The following RANBP1 variants were observed in gnomAD, a reference collection of about 807,000 sequenced individuals.
The protein encoded by RANBP1 is ran-specific GTPase-activating protein.
A neutral mutation model predicts 31.4 loss-of-function variants in RANBP1; 16 were observed. The ratio of observed to expected loss-of-function variants is 0.51; its 90% CI spans 0.34 to 0.77. RANBP1 has a LOEUF of 0.77. Ranked by LOEUF, RANBP1 falls within the 30% of genes least tolerant of loss-of-function variation. RANBP1 has a pLI of 0.01. For synonymous variants in RANBP1, 129 were observed against 140.5 expected, an observed-to-expected ratio of 0.92 and a Z score of 0.58; for missense variants, 265 against 362.0, an observed-to-expected ratio of 0.73 and a Z score of 2.17.
rs777760389 is a variant in RANBP1 at position 20,127,091 on chromosome 22, C to G, written c.*39C>G. 1.3e-6 allele frequency: 2 copies of G among 1,528,352 alleles called. No individual in the cohort carries two copies. Among genetic ancestry groups the G allele is most frequent in the South Asian group, 2.5e-5 (2 of 79,962 alleles). The allele number at this position is 1,528,352 out of a possible 1,614,324, so 94.7% of individuals were successfully genotyped here. A position where few individuals can be genotyped will look rare whatever the true frequency, so the allele number is the denominator to read the frequency against. ...ATTTTCTTTTCCTCTCTTTCCTTTC[C>G]TTTTTTTAAAAAATTTTACCCTGCC... On this transcript the variant is annotated 3_prime_UTR_variant, in exon 6 of 6. Coordinates refer to ENST00000430524, the MANE Select transcript of RANBP1 (RefSeq NM_001278639.2).
chr22:20,117,127 G>A, intron 1 of RANBP1: 1 of 597,114 alleles, frequency 1.7e-6, no homozygotes, highest in East Asian at 3.3e-5. Context: ...TCTCAGGCTT[G>A]GGGCTGTACC....
chr22:20,116,915 C>A (rs897365180), intron 1 of RANBP1: 8 of 1,595,036 alleles, frequency 5.0e-6, no homozygotes, highest in Admixed American at 1.7e-5. Context: ...ATCGCCCAGG[C>A]GGTTCTCCGC....
chr22:20,117,278 C>T, intron 1 of RANBP1: 2 of 707,386 alleles, frequency 2.8e-6, no homozygotes, highest in Non-Finnish European at 4.0e-6. Context: ...AACCCCCAAC[C>T]ACTTTAGCCA....
At position 20,126,961 on chromosome 22, in the gene RANBP1, G is replaced by A. The variant is rs2050314041; in HGVS notation, c.746G>A (p.Gly249Asp). The A allele has an allele frequency of 6.2e-7, 1 of 1,613,100 alleles. No homozygotes were observed. The change falls in exon 6 of 6, where the codon GGC (glycine) becomes GAC (aspartate). Residue 249 changes from glycine to aspartate, a missense_variant. This residue lies in a region of RANBP1 where 49 missense variants were observed against 47.9 expected (regional missense o/e 1.02). Coordinates refer to ENST00000430524, the MANE Select transcript of RANBP1 (RefSeq NM_001278639.2). ...IEEREKKAGSGKNDHAEKVAE... is the reference protein window; with the variant it reads ...IEEREKKAGSDKNDHAEKVAE... ...CTGCTTGTGTTTTTAGCAGGATCAG[G>A]CAAAAATGATCATGCCGAAAAAGTG...
At chr22:20,116,643 A>T in intron 1 of RANBP1, 1 of 1,517,338 alleles carries the variant, frequency 6.6e-7, no homozygotes, top group Non-Finnish European at 8.8e-7. Flanking sequence ...TGCTAGGGTG[A>T]GGACTAGGCC....
At chr22:20,117,879 C>G (rs767423266) in intron 1 of RANBP1, 10 of 1,020,080 alleles carry the variant, frequency 9.8e-6, no homozygotes, top group Non-Finnish European at 1.2e-5. Flanking sequence ...TCTGCAGAGG[C>G]CTGGGGGCTG....
In RANBP1 at chr22:20,121,352, GGAT is replaced by G. The variant is rs544121107; in HGVS notation, c.384-911_384-909del. On this transcript the variant is annotated intron_variant, in intron 2 of 5. Coordinates refer to ENST00000430524, the MANE Select transcript of RANBP1 (RefSeq NM_001278639.2). ...GCAACCTCTGCCTCCCGGCTTCAAG[GGAT>G]TCTCCTGCCTCAGCCTCCCGAGTAG... 3.3e-5 allele frequency among the ~76,000 whole-genome samples: 5 copies of G among 152,064 alleles called. No individual in the cohort carries two copies. The South Asian group carries it at 1.0e-3, about 32-fold the overall frequency.
chr22:20,126,962 C>T lies in RANBP1; in HGVS notation c.747C>T (p.Gly249=). The change falls in exon 6 of 6, where the codon GGC becomes GGT. Residue 249 remains glycine, a synonymous_variant. Transcript: ENST00000430524. ...IEEREKKAGS[G]KNDHAEKVAE... ...TGCTTGTGTTTTTAGCAGGATCAGGCAAAAATGATCATGCCGAAAAAGTGG... is the reference window on the plus strand; with the variant it reads ...TGCTTGTGTTTTTAGCAGGATCAGGTAAAAATGATCATGCCGAAAAAGTGG... The T allele has an allele frequency of 6.2e-7, 1 of 1,613,114 alleles. No homozygotes were observed.
Position 20,127,111 on chromosome 22 carries a change from C to T in RANBP1, c.*59C>T, listed in dbSNP as rs185846819. The stretch of plus-strand genomic sequence containing the variant: ...CTTTCCTTTTTTTAAAAAATTTTAC[C>T]CTGCCCCTCTTTTTCGGTTTGTTTT... On this transcript the variant is annotated 3_prime_UTR_variant, in exon 6 of 6. Transcript: ENST00000430524. 2.8e-6 allele frequency: 4 copies of T among 1,420,218 alleles called. No individual in the cohort carries two copies. In the African/African-American group the frequency reaches 5.8e-5, roughly 21 times the overall value. The allele number at this position is 1,420,218 out of a possible 1,614,324, so 88.0% of individuals were successfully genotyped here.
At chr22:20,120,376 G>C (rs1012375394) in intron 2 of RANBP1, among the ~76,000 whole-genome samples, 1 of 152,214 alleles carries the variant, frequency 6.6e-6, no homozygotes, top group East Asian at 1.9e-4. Context: ...GCTTGCCTCT[G>C]TTCCCTCACT....
chr22:20,125,653 C>G, intron 4 of RANBP1: 1 of 1,441,062 alleles, frequency 6.9e-7, no homozygotes, highest in Non-Finnish European at 9.1e-7. Flanking sequence ...TGCCAAGTAG[C>G]TGGTGAACAG....
intron 2 of RANBP1, among the ~76,000 whole-genome samples, chr22:20,120,131 T>A (rs2050142927): frequency 6.6e-6 from 1 of 152,206 alleles, no homozygotes; most frequent in Non-Finnish European, 1.5e-5. Flanking sequence ...GAGTCCAGGT[T>A]AAGGTTTTGT....
chr22:20,117,002 G>C, intron 1 of RANBP1: 5 of 1,500,666 alleles, frequency 3.3e-6, no homozygotes, highest in Non-Finnish European at 4.5e-6. Context: ...CTGTCACAAG[G>C]GAAGTGCTCA....
chr22:20,123,358 G>A (rs2050225877), intron 3 of RANBP1, among the ~76,000 whole-genome samples: 1 of 95,276 alleles, frequency 1.0e-5, no homozygotes, highest in African/African-American at 4.5e-5. Context: ...TGTGGTGTCT[G>A]GGGGTGTTGG....
chr22:20,119,877 T>C (rs78885732), intron 2 of RANBP1, among the ~76,000 whole-genome samples: 1,719 of 152,332 alleles, frequency 0.011, 33 homozygotes, highest in African/African-American at 0.038. Flanking sequence ...GTTTAGTTAT[T>C]AAAACCACTT....
At chr22:20,117,274 C>A in intron 1 of RANBP1, 3 of 697,782 alleles carry the variant, frequency 4.3e-6, no homozygotes, top group South Asian at 6.8e-5. Flanking sequence ...ATCCAACCCC[C>A]AACCACTTTA....
At position 20,127,062 on chromosome 22, in the gene RANBP1, T is replaced by C. The variant is rs751195972; in HGVS notation, c.*10T>C. Reference sequence around the variant, plus strand: ...TGAGGAGAAGCAATAAATCGTCTTATTTTATTTTCTTTTCCTCTCTTTCCT... The same window carrying C: ...TGAGGAGAAGCAATAAATCGTCTTACTTTATTTTCTTTTCCTCTCTTTCCT... On this transcript the variant is annotated 3_prime_UTR_variant, in exon 6 of 6. Transcript: ENST00000430524. The C allele has an allele frequency of 1.4e-5, 22 of 1,587,508 alleles. No homozygotes were observed. Among genetic ancestry groups the C allele is most frequent in the East Asian group, 6.8e-5 (3 of 44,362 alleles).
intron 5 of RANBP1, 194 bp from the exon 6 acceptor site, chr22:20,126,758 A>T: frequency 7.3e-7 from 1 of 1,361,098 alleles, no homozygotes; most frequent in South Asian, 1.4e-5. Flanking sequence ...GCTTGAGTGC[A>T]TCCACCTGGC....
chr22:20,116,829 C>G, intron 1 of RANBP1: 3 of 1,512,704 alleles, frequency 2.0e-6, no homozygotes, highest in East Asian at 2.4e-5. Flanking sequence ...CCTGACCCAC[C>G]CCGCCTCCTC....
Sources: gnomAD v4.1 joint callset for allele counts (sites outside exome capture counted in the v4.1 genomes callset) on GRCh38, gnomAD v4.1.1 for gene constraint, gnomAD v4.1.1 regional missense constraint, MANE v1.5 for transcripts, NCBI Gene and HGNC (gene_info 2026-07-23, HGNC 2026-07-21) for gene names.